The following GOSR1 variants were observed in gnomAD, a reference collection of about 807,000 sequenced individuals.
GOSR1 encodes the protein 28 kDa Golgi SNARE protein.
GOSR1 carries 21 observed loss-of-function variants against 35.5 expected under a neutral mutation model. The observed-to-expected ratio is 0.59, with a 90% CI of 0.42 to 0.85. The LOEUF (loss-of-function observed/expected upper bound fraction) is 0.85, where lower values mean the gene tolerates loss of function less well. Among genes scored for constraint, GOSR1 ranks in the 40% least tolerant of loss-of-function variants. The pLI, the probability that GOSR1 is intolerant of heterozygous loss-of-function variation, is 0.00. For synonymous variants in GOSR1, 94 were observed against 106.6 expected, an observed-to-expected ratio of 0.88 and a Z score of 0.73; for missense variants, 285 against 309.6, an observed-to-expected ratio of 0.92 and a Z score of 0.60.
chr17:30,487,217 G>T (rs1914734632), intron 4 of GOSR1, among the ~76,000 whole-genome samples: 3 of 152,086 alleles, frequency 2.0e-5, no homozygotes, highest in African/African-American at 4.8e-5. Flanking sequence ...GGGGCAAAGA[G>T]AAATTATAAA....
intron 7 of GOSR1, among the ~76,000 whole-genome samples, chr17:30,518,551 A>G (rs1381052735): frequency 6.6e-6 from 1 of 152,220 alleles, no homozygotes; most frequent in African/African-American, 2.4e-5. Context: ...ATCAAAGTGG[A>G]TACTGACCCT....
intron 6 of GOSR1, among the ~76,000 whole-genome samples, chr17:30,507,036 G>T (rs1967425520): frequency 6.6e-6 from 1 of 152,192 alleles, no homozygotes; most frequent in Non-Finnish European, 1.5e-5. Flanking sequence ...ACTACTCTTT[G>T]ACAGTGCACC....
chr17:30,493,047 G>A (rs1597773183), intron 6 of GOSR1, among the ~76,000 whole-genome samples: 1 of 151,088 alleles, frequency 6.6e-6, no homozygotes, highest in East Asian at 2.0e-4. Flanking sequence ...AGGCTGGAGT[G>A]CAGTGACTCA....
intron 4 of GOSR1, 42 bp downstream of exon 4, chr17:30,484,812 T>C (rs1368208484): frequency 9.3e-7 from 1 of 1,069,536 alleles, no homozygotes; most frequent in Admixed American, 1.7e-5. Context: ...TCACAGGAGT[T>C]TGGGTTTTTT....
chr17:30,517,108 TTG>T (rs549986777), intron 7 of GOSR1, among the ~76,000 whole-genome samples: 2 of 152,176 alleles, frequency 1.3e-5, no homozygotes, highest in South Asian at 2.1e-4. Flanking sequence ...CATGTTAATT[TTG>T]TGTGTGTGTG....
intron 7 of GOSR1, among the ~76,000 whole-genome samples, chr17:30,511,941 T>C (rs561813378): frequency 6.6e-6 from 1 of 152,362 alleles, no homozygotes; most frequent in East Asian, 1.9e-4. Context: ...CATTAGGAAC[T>C]ATCTCCAAAA....
chr17:30,503,270 G>A (rs1226075205), intron 6 of GOSR1, among the ~76,000 whole-genome samples: 3 of 152,138 alleles, frequency 2.0e-5, no homozygotes, highest in African/African-American at 7.2e-5. Flanking sequence ...TGTGTGTTGG[G>A]GGAAATAAGT....
At chr17:30,515,602 T>C (rs143804838) in intron 7 of GOSR1, among the ~76,000 whole-genome samples, 1 of 152,330 alleles carries the variant, frequency 6.6e-6, no homozygotes, top group Non-Finnish European at 1.5e-5. Flanking sequence ...TCTCCATTTT[T>C]AACCCTACTC....
Position 30,525,053 on chromosome 17 carries a change from G to A in GOSR1, c.*2675G>A, listed in dbSNP as rs953257845. On this transcript the variant is annotated 3_prime_UTR_variant, in exon 9 of 9. Coordinates refer to ENST00000451249, the MANE Select transcript of GOSR1 (RefSeq NM_001007025.2). Reference sequence around the variant, plus strand: ...CTGTAAATTCATGACTTGTCTTACTGAACTACAGCCTGGTTTGTAGACTTC... The same window carrying A: ...CTGTAAATTCATGACTTGTCTTACTAAACTACAGCCTGGTTTGTAGACTTC... 9 of 152,144 alleles carry A rather than the reference G, an allele frequency of 5.9e-5. No individual in the cohort carries two copies. The highest frequency in any genetic ancestry group is 2.2e-4 in the African/African-American group (9 of 41,422). The allele number at this position is 152,144 out of a possible 1,614,324, so 9.4% of individuals were successfully genotyped here.
chr17:30,510,198 C>G (rs1967564520), intron 6 of GOSR1, among the ~76,000 whole-genome samples: 1 of 151,926 alleles, frequency 6.6e-6, no homozygotes, highest in African/African-American at 2.4e-5. Flanking sequence ...CTCAGCCTGC[C>G]GAGTAGCTGG....
intron 6 of GOSR1, among the ~76,000 whole-genome samples, chr17:30,509,594 G>A (rs1259210812): frequency 2.0e-5 from 3 of 152,232 alleles, no homozygotes; most frequent in Non-Finnish European, 4.4e-5. Context: ...TTTATGCCAA[G>A]TGGATACAGA....
In GOSR1 at chr17:30,523,144, C is replaced by G; in HGVS notation, c.*766C>G. 5.2e-6 allele frequency: 1 copy of G among 191,290 alleles called. No individual in the cohort carries two copies. 11.8% of individuals were successfully genotyped at this position (191,290 alleles called of 1,614,324 possible). On this transcript the variant is annotated 3_prime_UTR_variant, in exon 9 of 9. Coordinates refer to ENST00000451249, the MANE Select transcript of GOSR1 (RefSeq NM_001007025.2). ...AAGTGCCGAGATTGCAGCCTCTGCC[C>G]GGCCGCCACCCCGTCTGGAAAGTGA...
At chr17:30,490,008 A>G in intron 4 of GOSR1, 118 bp from the exon 5 acceptor site, 1 of 609,344 alleles carries the variant, frequency 1.6e-6, no homozygotes, top group Non-Finnish European at 3.0e-6. Context: ...GGTTAATTTG[A>G]TTTCTTAAAT....
At chr17:30,503,324 C>A (rs1597785666) in intron 6 of GOSR1, among the ~76,000 whole-genome samples, 1 of 152,054 alleles carries the variant, frequency 6.6e-6, no homozygotes. Flanking sequence ...TTTAGTGATT[C>A]CTCAGCACGA....
At chr17:30,518,566 T>C (rs1437196772) in intron 7 of GOSR1, among the ~76,000 whole-genome samples, 1 of 152,206 alleles carries the variant, frequency 6.6e-6, no homozygotes, top group Non-Finnish European at 1.5e-5. Flanking sequence ...GACCCTGCCC[T>C]CTAGGGCTCT....
intron 5 of GOSR1, among the ~76,000 whole-genome samples, chr17:30,492,291 A>T (rs990412591): frequency 1.3e-5 from 2 of 152,210 alleles, no homozygotes; most frequent in South Asian, 2.1e-4. Context: ...GTGAAAGAAA[A>T]CATTTCATTT....
At chr17:30,515,979 G>A (rs1967793321) in intron 7 of GOSR1, among the ~76,000 whole-genome samples, 1 of 152,152 alleles carries the variant, frequency 6.6e-6, no homozygotes, top group South Asian at 2.1e-4. Context: ...GATATTGCCT[G>A]TGATTTCAGT....
intron 6 of GOSR1, among the ~76,000 whole-genome samples, chr17:30,510,402 C>T (rs1048653898): frequency 5.9e-5 from 9 of 151,906 alleles, no homozygotes; most frequent in African/African-American, 1.5e-4. Context: ...ATATTGTATG[C>T]GAATGAAATT....
intron 6 of GOSR1, among the ~76,000 whole-genome samples, chr17:30,504,235 T>C (rs9896343): frequency 0.6 from 90,631 of 151,844 alleles, 28,033 homozygotes; most frequent in East Asian, 0.83. Context: ...CTATGTTGGC[T>C]AGGCTGGTCT....
Sources: allele counts gnomAD v4.1 joint callset (sites outside exome capture counted in the v4.1 genomes callset), GRCh38; gene constraint gnomAD v4.1.1; transcripts MANE v1.5; gene names NCBI Gene and HGNC (gene_info 2026-07-23, HGNC 2026-07-21).